NTRK3: variants seen among roughly 807,000 people sequenced by gnomAD.
The protein encoded by NTRK3 is neurotrophic receptor tyrosine kinase 3, also known as NT-3 growth factor receptor.
A neutral mutation model predicts 91.7 loss-of-function variants in NTRK3; 24 were observed. That is an observed-to-expected ratio of 0.26 (90% CI 0.19 to 0.37). The LOEUF is 0.37. Ranked by LOEUF, NTRK3 falls within the 10% of genes least tolerant of loss-of-function variation. The probability of loss-of-function intolerance (pLI) is 1.00; values close to 1 mark genes in which losing one functional copy is unlikely to be tolerated. For missense variants in NTRK3, 880 were observed against 1,068.9 expected (o/e 0.82, Z 2.46); for synonymous variants, 483 against 404.0 (o/e 1.20, Z -2.34).
intron 13 of NTRK3, among the ~76,000 whole-genome samples, chr15:88,070,549 C>T (rs891505133): frequency 1.3e-5 from 2 of 152,108 alleles, no homozygotes; most frequent in African/African-American, 4.8e-5. Flanking sequence ...CAGGAGGACT[C>T]CTTAAATTCA....
intron 13 of NTRK3, among the ~76,000 whole-genome samples, chr15:88,057,466 C>G (rs977042494): frequency 6.6e-6 from 1 of 151,402 alleles, no homozygotes; most frequent in Non-Finnish European, 1.5e-5. Context: ...CCACTGCACT[C>G]CAGCCTGGGA....
intron 14 of NTRK3, among the ~76,000 whole-genome samples, chr15:87,951,918 G>A (rs760540544): frequency 2.0e-5 from 3 of 152,178 alleles, no homozygotes; most frequent in Non-Finnish European, 4.4e-5. Context: ...CCTGAGGTCA[G>A]GAGTTTGAGA....
At chr15:87,861,615 GA>G (rs749763140) in exon 19 of NTRK3, 280 of 187,490 alleles carry the variant, frequency 1.5e-3, no homozygotes, top group East Asian at 5.3e-3. Context: ...TTAGGGAAGG[GA>G]AAAAAAAAAT....
chr15:87,957,504 G>A (rs555968840), intron 14 of NTRK3, among the ~76,000 whole-genome samples: 1 of 152,158 alleles, frequency 6.6e-6, no homozygotes, highest in South Asian at 2.1e-4. Flanking sequence ...CTCATAAGAT[G>A]TCCTATAGCA....
chr15:88,136,067 A>C, intron 8 of NTRK3, 27 bp from the exon 9 acceptor site: 1 of 1,613,874 alleles, frequency 6.2e-7, no homozygotes, highest in South Asian at 1.1e-5. Flanking sequence ...AAAGATAACA[A>C]TCAGATAGCT....
intron 18 of NTRK3, among the ~76,000 whole-genome samples, chr15:87,878,024 T>A (rs1019963314): frequency 1.3e-5 from 2 of 152,086 alleles, no homozygotes; most frequent in African/African-American, 4.8e-5. Flanking sequence ...GCATTTCCAA[T>A]TCCTCAAAGA....
At chr15:88,075,562 T>A (rs2047465568) in intron 13 of NTRK3, among the ~76,000 whole-genome samples, 1 of 149,632 alleles carries the variant, frequency 6.7e-6, no homozygotes, top group African/African-American at 2.5e-5. Context: ...TCCCTTCTTA[T>A]AAGTCTCCAA....
rs1234745208 is a variant in NTRK3, at chr15:88,229,289, G to A, written c.248+26617C>T. 2.0e-5 allele frequency among the ~76,000 whole-genome samples: 3 copies of A among 152,192 alleles called. No homozygotes were observed. In the East Asian group the frequency reaches 5.8e-4, roughly 29 times the overall value. On this transcript the variant is annotated intron_variant, in intron 3 of 18. Coordinates refer to ENST00000394480, the Ensembl canonical transcript of NTRK3. ...GTTCCAGGAGGAACTAAAGCTTGAA[G>A]AGGTTACATGACTTATCCAACATCC...
At chr15:88,236,514 TAA>T (rs60187446) in intron 3 of NTRK3, among the ~76,000 whole-genome samples, 3,404 of 53,864 alleles carry the variant, frequency 0.063, 123 homozygotes, top group African/African-American at 0.16. Context: ...CCTCTATTAT[TAA>T]AAAAAAAAAA....
At chr15:88,141,593 G>A (rs778588789) in intron 6 of NTRK3, among the ~76,000 whole-genome samples, 1 of 152,226 alleles carries the variant, frequency 6.6e-6, no homozygotes, top group African/African-American at 2.4e-5. Context: ...TTAAGTAGGT[G>A]TAAAAATACA....
At chr15:88,229,919 A>G (rs1368882009) in intron 3 of NTRK3, among the ~76,000 whole-genome samples, 1 of 152,232 alleles carries the variant, frequency 6.6e-6, no homozygotes, top group Non-Finnish European at 1.5e-5. Context: ...CCAAGTCACA[A>G]TGCGGCCATT....
chr15:87,877,119 A>T, exon 19 of NTRK3: 1 of 1,614,026 alleles, frequency 6.2e-7, no homozygotes, highest in Non-Finnish European at 8.5e-7. Flanking sequence ...GCACTCAATG[A>T]CCTGAAAGAG....
intron 14 of NTRK3, among the ~76,000 whole-genome samples, chr15:87,980,675 T>G (rs1016322087): frequency 4.6e-5 from 7 of 152,114 alleles, no homozygotes; most frequent in Non-Finnish European, 1.0e-4. Flanking sequence ...TGAAACAAAA[T>G]TTGATTGCAT....
intron 5 of NTRK3, among the ~76,000 whole-genome samples, chr15:88,150,286 A>G (rs1427248396): frequency 1.3e-5 from 2 of 152,222 alleles, no homozygotes; most frequent in African/African-American, 4.8e-5. Flanking sequence ...CGAGGCAGAG[A>G]GCAGGCTGCC....
chr15:88,149,569 T>A (rs1047984155), intron 5 of NTRK3, among the ~76,000 whole-genome samples: 1 of 152,214 alleles, frequency 6.6e-6, no homozygotes, highest in African/African-American at 2.4e-5. Context: ...CTAATGACTA[T>A]ACAGCTTATT....
chr15:88,185,117 G>T (rs931920551), intron 3 of NTRK3, among the ~76,000 whole-genome samples: 9 of 152,182 alleles, frequency 5.9e-5, no homozygotes, highest in East Asian at 3.9e-4. Context: ...CATCATGAAG[G>T]TCTCCTTTTA....
At chr15:88,249,195 G>A (rs1412407310) in intron 3 of NTRK3, among the ~76,000 whole-genome samples, 1 of 152,180 alleles carries the variant, frequency 6.6e-6, no homozygotes, top group Non-Finnish European at 1.5e-5. Context: ...TGAGGCCAGG[G>A]GAAAAGGACA....
chr15:88,239,489 C>G (rs2052112699), intron 3 of NTRK3, among the ~76,000 whole-genome samples: 1 of 152,176 alleles, frequency 6.6e-6, no homozygotes, highest in Non-Finnish European at 1.5e-5. Context: ...CCACTTGAGT[C>G]TGGAATGGCA....
chr15:88,021,470 G>T lies in NTRK3; in HGVS notation c.1585+11387C>A, dbSNP rs566541936. On this transcript the variant is annotated intron_variant, in intron 14 of 18. Transcript: ENST00000394480. Reference sequence around the variant, plus strand: ...TAGCTCAAGAAATTTGAGAAGTGCTGCAGACCAAAGGTCCTTCTTGGTAAG... The same window carrying T: ...TAGCTCAAGAAATTTGAGAAGTGCTTCAGACCAAAGGTCCTTCTTGGTAAG... Among the ~76,000 whole-genome samples, 42 of 152,310 alleles carry T rather than the reference G, an allele frequency of 2.8e-4. No individual in the cohort carries two copies. The South Asian group carries it at 8.7e-3, about 32-fold the overall frequency.
Sources: gnomAD v4.1 joint callset for allele counts (sites outside exome capture counted in the v4.1 genomes callset) on GRCh38, gnomAD v4.1.1 for gene constraint, MANE v1.5 for transcripts, NCBI Gene and HGNC (gene_info 2026-07-23, HGNC 2026-07-21) for gene names.